PCDHGA4: variants seen among roughly 807,000 people sequenced by gnomAD.
The protein encoded by PCDHGA4 is protocadherin gamma subfamily A, 4.
PCDHGA4 carries 38 observed loss-of-function variants against 54.6 expected under a neutral mutation model. The ratio of observed to expected loss-of-function variants is 0.70; its 90% confidence interval spans 0.54 to 0.91. PCDHGA4 has a LOEUF of 0.91. Among genes scored for constraint, PCDHGA4 ranks in the 40% least tolerant of loss-of-function variants. The pLI is 0.00. For synonymous variants in PCDHGA4, 511 were observed against 512.9 expected (o/e 1.00, Z 0.05); for missense variants, 1,298 against 1,220.9 (o/e 1.06, Z -0.94).
At position 141,361,977 on chromosome 5, in the gene PCDHGA4, C is replaced by T. The variant is rs531760752; in HGVS notation, c.2514+4356C>T. 296 of 1,601,658 alleles carry T rather than the reference C, an allele frequency of 1.8e-4. No individual in the cohort carries two copies. The Admixed American group carries it at 4.9e-3, about 27-fold the overall frequency. Reference sequence around the variant, plus strand: ...ACCACGTGCTGCAGGCCAGCGAGCCCGGGCTCTTCAGCCTGGGGTTGCGCA... The same window carrying T: ...ACCACGTGCTGCAGGCCAGCGAGCCTGGGCTCTTCAGCCTGGGGTTGCGCA... On this transcript the variant is annotated intron_variant, in intron 1 of 3. Transcript: ENST00000571252.
intron 1 of PCDHGA4, chr5:141,394,860 G>C (rs750446579): frequency 5.0e-6 from 8 of 1,613,674 alleles, no homozygotes; most frequent in Non-Finnish European, 5.9e-6. Flanking sequence ...GCCTTCGGTC[G>C]ACCCGAACGA....
rs1334965321 is a variant in PCDHGA4, at chr5:141,432,195, C to T, written c.2515-62612C>T. 3 of 1,614,088 alleles carry T rather than the reference C, an allele frequency of 1.9e-6. No homozygotes were observed. The Admixed American group carries it at 5.0e-5, about 27-fold the overall frequency. ...CTCGTCTCTGTGACCGCCCACGACC[C>T]CGACTGTGAAGAGAACGCCCAGATC... On this transcript the variant is annotated intron_variant, in intron 1 of 3. Transcript: ENST00000571252. This position sits in a 1 kb window ranked among gnomAD's most constrained non-coding sequence, Gnocchi z 6.0.
chr5:141,510,194 G>A (rs920127442), intron 3 of PCDHGA4, among the ~76,000 whole-genome samples: 1 of 151,462 alleles, frequency 6.6e-6, no homozygotes, highest in Non-Finnish European at 1.5e-5. Context: ...AATCACTTGA[G>A]CCCAGGAGGC....
At chr5:141,404,252 A>G (rs2094504105) in intron 1 of PCDHGA4, 8 of 1,613,986 alleles carry the variant, frequency 5.0e-6, no homozygotes, top group South Asian at 1.1e-5. Context: ...GCCCCTGTCC[A>G]CAGAAATTCA....
chr5:141,486,489 G>T lies in PCDHGA4; in HGVS notation c.2515-8318G>T. 2 of 1,614,060 alleles carry T rather than the reference G, an allele frequency of 1.2e-6. No homozygotes were observed. The highest frequency in any genetic ancestry group is 1.7e-6 in the Non-Finnish European group (2 of 1,179,892). ...GGGAACCCTCCTCTCAGTACCCACA[G>T]AACTATTTTCCTCAATATTTCAGAT... On this transcript the variant is annotated intron_variant, in intron 1 of 3. Coordinates refer to ENST00000571252, the MANE Select transcript of PCDHGA4 (RefSeq NM_018917.4). The surrounding 1 kb of genome is among the most constrained non-coding windows in gnomAD (Gnocchi z 5.0).
In PCDHGA4 at chr5:141,485,472, C is replaced by T. The variant is rs1185020546; in HGVS notation, c.2515-9335C>T. On this transcript the variant is annotated intron_variant, in intron 1 of 3. Transcript: ENST00000571252. This position sits in a 1 kb window ranked among gnomAD's most constrained non-coding sequence, Gnocchi z 5.7. The stretch of plus-strand genomic sequence containing the variant: ...CGAGAGGCACTGTGTGGGCTCAGTG[C>T]CAGCTGCATCGTGCCCCTGGAGTTT... The T allele has an allele frequency of 3.1e-6, 5 of 1,614,138 alleles. No individual in the cohort carries two copies. In the South Asian group the frequency reaches 5.5e-5, roughly 18 times the overall value.
chr5:141,477,295 G>A lies in PCDHGA4; in HGVS notation c.2515-17512G>A, dbSNP rs1207558247. On this transcript the variant is annotated intron_variant, in intron 1 of 3. Transcript: ENST00000571252. This position sits in a 1 kb window ranked among gnomAD's most constrained non-coding sequence, Gnocchi z 4.9. ...GGCTGGTGACCTGCGAAGTTCCACC[G>A]GGTCTCCCTTTCAGCCTTACTTCTT... is the stretch of plus-strand genomic sequence containing the variant. The A allele has an allele frequency of 8.1e-6, 13 of 1,613,990 alleles. No homozygotes were observed. Among genetic ancestry groups the A allele is most frequent in the Admixed American group, 3.3e-5 (2 of 59,990 alleles).
chr5:141,401,830 T>C (rs950842785), intron 1 of PCDHGA4, among the ~76,000 whole-genome samples: 4 of 152,216 alleles, frequency 2.6e-5, no homozygotes, highest in Admixed American at 1.3e-4. Context: ...TGCTGAGATT[T>C]CTTATAATAC....
intron 2 of PCDHGA4, 37 bp downstream of exon 2, chr5:141,494,902 C>T (rs2099757367): frequency 1.9e-6 from 3 of 1,614,024 alleles, no homozygotes; most frequent in Non-Finnish European, 2.5e-6. Flanking sequence ...CTCTTCTCTG[C>T]GGCATTTTCT....
intron 2 of PCDHGA4, among the ~76,000 whole-genome samples, chr5:141,497,642 C>T (rs1426920174): frequency 1.3e-5 from 2 of 151,352 alleles, no homozygotes; most frequent in Middle Eastern, 3.4e-3. Context: ...CAGGTTCAAG[C>T]GATTCTCCTG....
chr5:141,395,515 C>A, intron 1 of PCDHGA4: 1 of 407,332 alleles, frequency 2.5e-6, no homozygotes, highest in Non-Finnish European at 4.4e-6. Flanking sequence ...AGTAGCTACC[C>A]GTCCATACTG....
chr5:141,370,949 C>A (rs1317760178), intron 1 of PCDHGA4: 2 of 1,613,980 alleles, frequency 1.2e-6, no homozygotes, highest in East Asian at 2.2e-5. Context: ...AGAAGGAGAA[C>A]CTGGATGGCA....
In PCDHGA4 at chr5:141,491,679, T is replaced by G. The variant is rs111288145; in HGVS notation, c.2515-3128T>G. 1 of 1,613,496 alleles carries G rather than the reference T, an allele frequency of 6.2e-7. No individual in the cohort carries two copies. Among genetic ancestry groups the G allele is most frequent in the Non-Finnish European group, 8.5e-7 (1 of 1,179,828 alleles). On this transcript the variant is annotated intron_variant, in intron 1 of 3. Coordinates refer to ENST00000571252, the MANE Select transcript of PCDHGA4 (RefSeq NM_018917.4). The surrounding 1 kb of genome is among the most constrained non-coding windows in gnomAD (Gnocchi z 6.9). ...CTGACGCCATCCGGTCCCGCTCTAA[T>G]ACGCTGCGGGAGCGGAGCCAGGTGA...
intron 1 of PCDHGA4, among the ~76,000 whole-genome samples, chr5:141,469,568 T>C (rs942597017): frequency 6.6e-6 from 1 of 152,184 alleles, no homozygotes. Flanking sequence ...AGTGAGACTC[T>C]GTCTCTAAAT....
intron 2 of PCDHGA4, among the ~76,000 whole-genome samples, chr5:141,499,010 AAGG>A (rs2099788390): frequency 6.6e-6 from 1 of 151,098 alleles, no homozygotes; most frequent in Non-Finnish European, 1.5e-5. Context: ...GGAAGGAAGG[AAGG>A]AAGGAAGGAA....
intron 1 of PCDHGA4, chr5:141,427,864 A>G: frequency 6.4e-7 from 1 of 1,557,574 alleles, no homozygotes; most frequent in Non-Finnish European, 8.8e-7. Flanking sequence ...TGCGCCTTCG[A>G]GCTCACGATG....
chr5:141,383,584 C>T, intron 1 of PCDHGA4: 2 of 1,613,678 alleles, frequency 1.2e-6, no homozygotes, highest in Non-Finnish European at 1.7e-6. Flanking sequence ...CGCCCACATC[C>T]AGGTGACAGT....
intron 1 of PCDHGA4, among the ~76,000 whole-genome samples, chr5:141,454,703 A>C (rs933041937): frequency 1.3e-5 from 2 of 150,198 alleles, no homozygotes; most frequent in African/African-American, 4.9e-5. Flanking sequence ...ACCATGCTCC[A>C]CCTGCTTATT....
chr5:141,501,897 C>T (rs796164763), intron 2 of PCDHGA4, among the ~76,000 whole-genome samples: 17 of 152,230 alleles, frequency 1.1e-4, no homozygotes, highest in African/African-American at 3.4e-4. Flanking sequence ...ATCATGGTTC[C>T]AACCCCACTG....
Sources: gnomAD v4.1 joint callset for allele counts (sites outside exome capture counted in the v4.1 genomes callset) on GRCh38, gnomAD v4.1.1 for gene constraint, Gnocchi (gnomAD v3.1) non-coding constraint, MANE v1.5 for transcripts, NCBI Gene and HGNC (gene_info 2026-07-23, HGNC 2026-07-21) for gene names.